The following RHBDD1 variants were observed in gnomAD, a reference collection of about 807,000 sequenced individuals.
RHBDD1 encodes rhomboid domain containing 1.
A neutral mutation model predicts 36.3 loss-of-function variants in RHBDD1; 38 were observed. The observed-to-expected ratio is 1.05, with a 90% confidence interval of 0.81 to 1.37. RHBDD1 has a LOEUF of 1.37. Among genes scored for constraint, RHBDD1 ranks in the 40% most tolerant of loss-of-function variants. The pLI is 0.00. For missense variants in RHBDD1, 393 were observed against 377.6 expected (o/e 1.04, Z -0.34); for synonymous variants, 151 against 136.5 (o/e 1.11, Z -0.74).
chr2:226,951,098 C>A (rs1291106311), intron 8 of RHBDD1, among the ~76,000 whole-genome samples: 1 of 152,108 alleles, frequency 6.6e-6, no homozygotes, highest in Admixed American at 6.5e-5. Flanking sequence ...TTTACAGTTT[C>A]AGGTCTTATG....
chr2:226,921,298 A>G (rs528955265), intron 8 of RHBDD1, among the ~76,000 whole-genome samples: 3 of 152,068 alleles, frequency 2.0e-5, no homozygotes, highest in South Asian at 4.2e-4. Context: ...CCAAAGAACA[A>G]CTTTTTGTCA....
intron 6 of RHBDD1, among the ~76,000 whole-genome samples, chr2:226,907,671 T>C (rs1172670433): frequency 2.0e-5 from 3 of 152,312 alleles, no homozygotes; most frequent in East Asian, 3.9e-4. Flanking sequence ...CATATAATAT[T>C]CATGATAGTA....
At chr2:226,887,650 A>T (rs1381521107) in intron 5 of RHBDD1, among the ~76,000 whole-genome samples, 2 of 152,256 alleles carry the variant, frequency 1.3e-5, no homozygotes, top group African/African-American at 4.8e-5. Flanking sequence ...TTTCTAGCAC[A>T]TATTTTTATA....
At chr2:226,870,204 C>G (rs780767873) in intron 5 of RHBDD1, among the ~76,000 whole-genome samples, 2 of 152,134 alleles carry the variant, frequency 1.3e-5, no homozygotes, top group Non-Finnish European at 1.5e-5. Context: ...ATTTTCCTCA[C>G]CTGTGTAATG....
chr2:226,955,505 T>C (rs1419017279), intron 8 of RHBDD1, among the ~76,000 whole-genome samples: 1 of 152,238 alleles, frequency 6.6e-6, no homozygotes, highest in Non-Finnish European at 1.5e-5. Flanking sequence ...CACAAAGTCA[T>C]GTCAGCCCAG....
intron 4 of RHBDD1, among the ~76,000 whole-genome samples, chr2:226,866,127 G>C (rs749502714): frequency 6.6e-6 from 1 of 152,056 alleles, no homozygotes; most frequent in Non-Finnish European, 1.5e-5. Flanking sequence ...CTGAAGGGCA[G>C]TGGCGTGATC....
intron 3 of RHBDD1, among the ~76,000 whole-genome samples, chr2:226,841,864 A>G (rs932820292): frequency 1.3e-5 from 2 of 152,188 alleles, no homozygotes; most frequent in South Asian, 2.1e-4. Context: ...TCTTTGAGGA[A>G]TCGCCAGTCT....
intron 5 of RHBDD1, among the ~76,000 whole-genome samples, chr2:226,890,952 G>A (rs929500264): frequency 1.3e-5 from 2 of 152,146 alleles, no homozygotes; most frequent in African/African-American, 4.8e-5. Context: ...GATTCTTACT[G>A]TCATTAGGAT....
intron 5 of RHBDD1, among the ~76,000 whole-genome samples, chr2:226,889,598 C>T (rs1429163262): frequency 2.6e-5 from 4 of 152,302 alleles, no homozygotes; most frequent in Non-Finnish European, 5.9e-5. Context: ...TTCATTTTCT[C>T]AAAGTGTTTT....
At chr2:226,931,580 C>G (rs2149103444) in intron 8 of RHBDD1, among the ~76,000 whole-genome samples, 1 of 152,156 alleles carries the variant, frequency 6.6e-6, no homozygotes, top group African/African-American at 2.4e-5. Flanking sequence ...ACTAAAATCT[C>G]AGACTTCACC....
At chr2:226,988,993 A>G (rs1483180613) in intron 8 of RHBDD1, among the ~76,000 whole-genome samples, 1 of 152,244 alleles carries the variant, frequency 6.6e-6, no homozygotes, top group African/African-American at 2.4e-5. Context: ...CCCTGTCTCC[A>G]AGTCGTAATT....
intron 5 of RHBDD1, among the ~76,000 whole-genome samples, chr2:226,896,205 G>A (rs1366840550): frequency 1.3e-5 from 2 of 152,066 alleles, no homozygotes; most frequent in African/African-American, 4.8e-5. Context: ...TCTCTATTTT[G>A]TTGTCTCATA....
At chr2:226,906,581 A>T in intron 5 of RHBDD1, 2 of 1,089,768 alleles carry the variant, frequency 1.8e-6, no homozygotes, top group Non-Finnish European at 2.6e-6. Context: ...GTTGCGTTTT[A>T]AACATGTGGT....
intron 8 of RHBDD1, among the ~76,000 whole-genome samples, chr2:226,970,368 G>GTTTCA (rs1169364181): frequency 9.9e-5 from 15 of 152,060 alleles, no homozygotes; most frequent in African/African-American, 3.6e-4. Context: ...TTGAAAAATG[G>GTTTCA]TTTCATTTTT....
intron 3 of RHBDD1, among the ~76,000 whole-genome samples, chr2:226,841,063 G>A (rs1318902020): frequency 2.0e-5 from 3 of 152,056 alleles, no homozygotes; most frequent in Non-Finnish European, 4.4e-5. Flanking sequence ...TGCCCATGTA[G>A]TCGCCCTCAT....
chr2:226,882,430 CAAAA>C (rs58149634), intron 5 of RHBDD1, among the ~76,000 whole-genome samples: 158 of 57,104 alleles, frequency 2.8e-3, no homozygotes, highest in Admixed American at 0.016. Context: ...GACTTTGCCT[CAAAA>C]AAAAAAAAAA....
In RHBDD1 at chr2:226,864,735, A is replaced by G. The variant is rs1344110990; in HGVS notation, c.42A>G (p.Leu14=). ...RSRGINTGLI[L]LLSQIFHVGI... ...GAGGGATAAATACTGGACTTATTCT[A>G]CTCCTTTCTCAAATCTTCCATGTTG... is the stretch of plus-strand genomic sequence containing the variant. The change falls in exon 4 of 9, where the codon CTA becomes CTG. Residue 14 remains leucine (L), a synonymous_variant. Transcript: ENST00000392062. 6.2e-7 allele frequency: 1 copy of G among 1,613,844 alleles called. No individual in the cohort carries two copies. The highest frequency in any genetic ancestry group is 8.5e-7 in the Non-Finnish European group (1 of 1,179,938).
chr2:226,894,841 G>A (rs925853671), intron 5 of RHBDD1, among the ~76,000 whole-genome samples: 2 of 152,212 alleles, frequency 1.3e-5, no homozygotes, highest in Non-Finnish European at 1.5e-5. Context: ...TGCTAGAGGA[G>A]CACAGAGGCC....
Position 226,911,080 on chromosome 2 carries a change from A to G in RHBDD1, c.712+2202A>G, listed in dbSNP as rs565905424. On this transcript the variant is annotated intron_variant, in intron 7 of 8. Coordinates refer to ENST00000392062, the MANE Select transcript of RHBDD1 (RefSeq NM_001167608.3). Reference sequence around the variant, plus strand: ...TATTTTAAAATAAGAAATAGCATGAATAAAAATGTTTTTCTACATCAAGAA... The same window carrying G: ...TATTTTAAAATAAGAAATAGCATGAGTAAAAATGTTTTTCTACATCAAGAA... Among the ~76,000 whole-genome samples, 3 of 152,318 alleles carry G rather than the reference A, an allele frequency of 2.0e-5. No individual in the cohort carries two copies. The South Asian group carries it at 6.2e-4, about 32-fold the overall frequency.
Sources: allele counts gnomAD v4.1 joint callset (sites outside exome capture counted in the v4.1 genomes callset), GRCh38; gene constraint gnomAD v4.1.1; transcripts MANE v1.5; gene names NCBI Gene and HGNC (gene_info 2026-07-23, HGNC 2026-07-21).